The following RGS7 variants were observed in gnomAD, a reference collection of about 807,000 sequenced individuals.
The protein encoded by RGS7 is regulator of G-protein signaling 7.
A neutral mutation model predicts 81.1 loss-of-function variants in RGS7; 27 were observed. The observed-to-expected ratio is 0.33, with a 90% CI of 0.25 to 0.46. RGS7 has a LOEUF of 0.46. Ranked by LOEUF, RGS7 falls within the 20% of genes least tolerant of loss-of-function variation. RGS7 has a pLI of 1.00. For missense variants in RGS7, 396 were observed against 607.4 expected (o/e 0.65, Z 3.66); for synonymous variants, 208 against 207.7 (o/e 1.00, Z -0.01).
At chr1:240,833,806 CTT>C (rs111809271) in intron 9 of RGS7, among the ~76,000 whole-genome samples, 1 of 144,592 alleles carries the variant, frequency 6.9e-6, no homozygotes, top group Non-Finnish European at 1.5e-5. Context: ...AGTCTCAGGA[CTT>C]TTTTTTTTTT....
At chr1:241,215,328 G>C (rs548309088) in intron 2 of RGS7, among the ~76,000 whole-genome samples, 3 of 152,286 alleles carry the variant, frequency 2.0e-5, no homozygotes, top group African/African-American at 7.2e-5. Flanking sequence ...GTTCAACATA[G>C]TTATCAATGC....
intron 2 of RGS7, among the ~76,000 whole-genome samples, chr1:241,133,558 G>T (rs141465593): frequency 6.6e-6 from 1 of 151,876 alleles, no homozygotes; most frequent in African/African-American, 2.4e-5. Context: ...CCAAGAAAAA[G>T]AACACTCATA....
intron 2 of RGS7, among the ~76,000 whole-genome samples, chr1:241,180,490 C>G (rs1294766517): frequency 2.6e-5 from 4 of 152,172 alleles, no homozygotes; most frequent in African/African-American, 4.8e-5. Flanking sequence ...AAAAAATTAT[C>G]AGTCCTAGAC....
At chr1:241,000,531 G>GT (rs1208590827) in intron 3 of RGS7, among the ~76,000 whole-genome samples, 1 of 152,176 alleles carries the variant, frequency 6.6e-6, no homozygotes, top group Non-Finnish European at 1.5e-5. Context: ...GAATTAGGTT[G>GT]TAAGATGGTA....
chr1:241,211,260 C>T (rs1488774299), intron 2 of RGS7, among the ~76,000 whole-genome samples: 3 of 152,058 alleles, frequency 2.0e-5, no homozygotes, highest in Non-Finnish European at 4.4e-5. Context: ...ACTCCAGACC[C>T]TGTGTGTTTA....
At chr1:240,905,328 C>A (rs1250827161) in intron 6 of RGS7, among the ~76,000 whole-genome samples, 1 of 152,028 alleles carries the variant, frequency 6.6e-6, no homozygotes, top group South Asian at 2.1e-4. Flanking sequence ...TGTAAAAGAA[C>A]CCTTGTTACC....
intron 2 of RGS7, among the ~76,000 whole-genome samples, chr1:241,274,533 T>C (rs956552733): frequency 1.3e-5 from 2 of 152,218 alleles, no homozygotes; most frequent in Non-Finnish European, 1.5e-5. Flanking sequence ...ATCTGAATTG[T>C]GCAGATGAAG....
chr1:241,353,238 A>T (rs1176896920), intron 2 of RGS7, among the ~76,000 whole-genome samples: 1 of 152,216 alleles, frequency 6.6e-6, no homozygotes, highest in African/African-American at 2.4e-5. Flanking sequence ...TAACACACAT[A>T]TTCAACCAAC....
At chr1:241,045,296 T>A (rs2148784756) in intron 3 of RGS7, among the ~76,000 whole-genome samples, 1 of 152,338 alleles carries the variant, frequency 6.6e-6, no homozygotes, top group South Asian at 2.1e-4. Context: ...TTTGGCTACC[T>A]TCTCTTTTGC....
At chr1:240,913,880 T>C (rs1367712290) in intron 6 of RGS7, among the ~76,000 whole-genome samples, 1 of 152,056 alleles carries the variant, frequency 6.6e-6, no homozygotes, top group Non-Finnish European at 1.5e-5. Flanking sequence ...TCAAAATTCT[T>C]CCTTTTGTTT....
Position 241,192,159 on chromosome 1 carries a change from GGTGTGTGTGTGTGTGT to G in RGS7, c.79-93413_79-93398del, listed in dbSNP as rs58714151. Among the ~76,000 whole-genome samples, 1,149 of 121,990 alleles carry G rather than the reference GGTGTGTGTGTGTGTGT, an allele frequency of 9.4e-3. 65 individuals are homozygous for G. In the East Asian group the frequency reaches 0.18, roughly 19 times the overall value. 80.0% of individuals were successfully genotyped at this position (121,990 alleles called of 152,430 possible). The stretch of plus-strand genomic sequence containing the variant: ...CCTGATCATTTGGCTAGAGAAAACA[GGTGTGTGTGTGTGTGT>G]GTGTGTGTGTGTGTGTGTGTGTGTG... On this transcript the variant is annotated intron_variant, in intron 2 of 18. Transcript: ENST00000440928.
chr1:240,834,487 T>A (rs898058398), intron 9 of RGS7, among the ~76,000 whole-genome samples: 1 of 152,058 alleles, frequency 6.6e-6, no homozygotes, highest in African/African-American at 2.4e-5. Flanking sequence ...TTGGTTTAAT[T>A]CTTTATTTTT....
intron 6 of RGS7, among the ~76,000 whole-genome samples, chr1:240,894,608 GT>G (rs1668751339): frequency 6.6e-6 from 1 of 150,784 alleles, no homozygotes. Context: ...CTCTTTGGTT[GT>G]TTATCAAATC....
At chr1:241,055,471 G>C (rs1477342280) in intron 3 of RGS7, among the ~76,000 whole-genome samples, 1 of 152,218 alleles carries the variant, frequency 6.6e-6, no homozygotes, top group East Asian at 1.9e-4. Flanking sequence ...AACAGCCTGA[G>C]GTAAGAGATG....
Position 240,906,151 on chromosome 1 carries a change from T to C in RGS7, c.385+24566A>G, listed in dbSNP as rs1209006640. Among the ~76,000 whole-genome samples the C allele has an allele frequency of 2.6e-5, 4 of 152,208 alleles. No individual in the cohort carries two copies. In the East Asian group the frequency reaches 5.8e-4, roughly 22 times the overall value. On this transcript the variant is annotated intron_variant, in intron 6 of 18. Coordinates refer to ENST00000440928, the MANE Select transcript of RGS7 (RefSeq NM_001364886.1). ...AGACTAGGAACTCTAAGCAAATATCTATAAAGTTCACAACAAGGCTGTGTT... is the reference window on the plus strand; with the variant it reads ...AGACTAGGAACTCTAAGCAAATATCCATAAAGTTCACAACAAGGCTGTGTT...
chr1:240,984,057 A>G (rs143221462), intron 3 of RGS7, among the ~76,000 whole-genome samples: 5 of 152,238 alleles, frequency 3.3e-5, no homozygotes, highest in African/African-American at 1.2e-4. Flanking sequence ...AGCAGTCAAC[A>G]GAAATAATTT....
intron 2 of RGS7, among the ~76,000 whole-genome samples, chr1:241,219,541 C>T (rs142324224): frequency 1.7e-4 from 26 of 152,112 alleles, no homozygotes; most frequent in African/African-American, 5.8e-4. Flanking sequence ...GCCAGTTACC[C>T]GAGTCACAGT....
intron 2 of RGS7, among the ~76,000 whole-genome samples, chr1:241,104,083 T>G (rs1241211362): frequency 6.6e-6 from 1 of 152,192 alleles, no homozygotes; most frequent in African/African-American, 2.4e-5. Flanking sequence ...TTATCTCATC[T>G]GTAAAATGGA....
intron 9 of RGS7, among the ~76,000 whole-genome samples, chr1:240,844,800 G>T (rs1198231512): frequency 1.3e-5 from 2 of 152,164 alleles, no homozygotes; most frequent in South Asian, 4.1e-4. Flanking sequence ...TTTAAATTTG[G>T]ATGAACACAT....
Sources: allele counts gnomAD v4.1 joint callset (sites outside exome capture counted in the v4.1 genomes callset), GRCh38; gene constraint gnomAD v4.1.1; transcripts MANE v1.5; gene names NCBI Gene and HGNC (gene_info 2026-07-23, HGNC 2026-07-21).